Variants in NSUN2 observed in about 807,000 individuals in gnomAD.
The protein encoded by NSUN2 is NOP2/Sun RNA methyltransferase 2.
A neutral mutation model predicts 92.7 loss-of-function variants in NSUN2; 63 were observed. The observed-to-expected ratio is 0.68, with a 90% CI of 0.56 to 0.84. NSUN2 has a LOEUF of 0.84. Among genes scored for constraint, NSUN2 ranks in the 40% least tolerant of loss-of-function variants. The pLI is 0.00. For missense variants in NSUN2, 989 were observed against 964.9 expected (o/e 1.02, Z -0.33); for synonymous variants, 356 against 348.3 (o/e 1.02, Z -0.25).
At chr5:6,613,547 CT>C (rs1737085575) in intron 9 of NSUN2, among the ~76,000 whole-genome samples, 2 of 152,218 alleles carry the variant, frequency 1.3e-5, no homozygotes, top group African/African-American at 4.8e-5. Context: ...CCTGAGCATA[CT>C]GTCTCCTTTC....
chr5:6,605,357 C>G lies in NSUN2; in HGVS notation c.1653G>C (p.Arg551=). ...GCTGCCTTTTCTTCCCTTCTGTAGT[C>G]CGAGTTAACAAATTCATCCTTGGGA... ...PSFPRMNLLT[R]TTEGKKRQLY... is the part of the protein sequence containing the mutation. Residue 551 remains arginine, a synonymous_variant, in exon 15 of 19, where the codon CGG becomes CGC. Coordinates refer to ENST00000264670, the MANE Select transcript of NSUN2 (RefSeq NM_017755.6). 1 of 1,614,172 alleles carries G rather than the reference C, an allele frequency of 6.2e-7. No individual in the cohort carries two copies. Among genetic ancestry groups the G allele is most frequent in the South Asian group, 1.1e-5 (1 of 91,082 alleles).
At chr5:6,602,378 C>G in intron 18 of NSUN2, 83 bp downstream of exon 18, 1 of 1,409,878 alleles carries the variant, frequency 7.1e-7, no homozygotes, top group South Asian at 1.2e-5. Context: ...TCCCACCTTC[C>G]CAAGTCACTT....
chr5:6,608,445 T>C (rs1367192825), intron 12 of NSUN2, among the ~76,000 whole-genome samples: 1 of 152,238 alleles, frequency 6.6e-6, no homozygotes, highest in Non-Finnish European at 1.5e-5. Flanking sequence ...CCATGGAGAC[T>C]CTACCTGCGT....
In NSUN2 at chr5:6,604,270, A is replaced by G; in HGVS notation, c.1825T>C (p.Tyr609His). The G allele has an allele frequency of 6.3e-7, 1 of 1,590,850 alleles. No homozygotes were observed. Among genetic ancestry groups the G allele is most frequent in the Non-Finnish European group, 8.6e-7 (1 of 1,160,980 alleles). The change falls in exon 17 of 19, where the codon TAT becomes CAT. Residue 609 changes from tyrosine (Y) to histidine (H), a missense_variant. Transcript: ENST00000264670. Reference protein sequence around the residue: ...CAFRLAQEGIYTLYPFINSRI... With the variant: ...CAFRLAQEGIHTLYPFINSRI... ...GAGTTAATAAATGGATACAATGTAT[A>G]TATTCCCTGTGTGAATAAAGAGAAT... is the stretch of plus-strand genomic sequence containing the variant.
At chr5:6,603,500 G>A (rs962274983) in intron 17 of NSUN2, among the ~76,000 whole-genome samples, 1 of 152,160 alleles carries the variant, frequency 6.6e-6, no homozygotes, top group Non-Finnish European at 1.5e-5. Flanking sequence ...GACCATCCTG[G>A]CTAACACGGT....
chr5:6,625,737 C>G (rs1737629641), intron 3 of NSUN2, 68 bp from the exon 4 acceptor site: 1 of 1,123,842 alleles, frequency 8.9e-7, no homozygotes, highest in South Asian at 1.3e-5. Flanking sequence ...CAACTTTGTG[C>G]TTCTATCAGT....
At chr5:6,613,250 G>A (rs1737075162) in intron 9 of NSUN2, among the ~76,000 whole-genome samples, 1 of 152,214 alleles carries the variant, frequency 6.6e-6, no homozygotes, top group African/African-American at 2.4e-5. Flanking sequence ...AAAAAGCAGG[G>A]TATTTAAGAT....
chr5:6,600,243 A>C lies in NSUN2; in HGVS notation c.1998-11T>G, dbSNP rs780344391. The C allele has an allele frequency of 6.2e-6, 10 of 1,608,840 alleles. No individual in the cohort carries two copies. Among genetic ancestry groups the C allele is most frequent in the South Asian group, 2.2e-5 (2 of 90,770 alleles). On this transcript the variant is annotated splice_polypyrimidine_tract_variant and intron_variant, in intron 18 of 18. Transcript: ENST00000264670. ...AGAGCGTCTGGATTCCTACAAGTGA[A>C]AGTGGCTTCATGTAGAACATTAAAC...
chr5:6,633,027 C>A lies in NSUN2; in HGVS notation c.-48G>T, dbSNP rs11743026. On this transcript the variant is annotated 5_prime_UTR_variant, in exon 1 of 19. Transcript: ENST00000264670. ...GCACGCAGAAACCGGCCCGCCACGG[C>A]CAGAACTCTAGCCCTACACCTCCCG... 589 of 1,405,914 alleles carry A rather than the reference C, an allele frequency of 4.2e-4. 11 individuals carry two copies. In the South Asian group the frequency reaches 8.4e-3, roughly 20 times the overall value. 87.1% of individuals were successfully genotyped at this position (1,405,914 alleles called of 1,614,324 possible).
chr5:6,606,575 G>A (rs774652511), intron 14 of NSUN2, among the ~76,000 whole-genome samples: 22 of 151,970 alleles, frequency 1.4e-4, no homozygotes, highest in African/African-American at 4.3e-4. Context: ...GTGAGCCACC[G>A]CGCCCGGTCC....
Position 6,632,654 on chromosome 5 carries a change from T to C in NSUN2, c.199A>G (p.Met67Val). The change falls in exon 2 of 19, where the codon ATG (methionine) becomes GTG (valine). Residue 67 changes from methionine (M) to valine (V), a missense_variant. By Grantham distance (21) the Met-to-Val change is conservative (BLOSUM62 1). Transcript: ENST00000264670. ...IVPEGEWGQF[M>V]DALREPLPAT... Reference sequence around the variant, plus strand: ...GGGAGCGGCTCCCTGAGAGCGTCCATGAACTGGCCCCACTCGCCCTCGGGC... The same window carrying C: ...GGGAGCGGCTCCCTGAGAGCGTCCACGAACTGGCCCCACTCGCCCTCGGGC... 1 of 1,614,164 alleles carries C rather than the reference T, an allele frequency of 6.2e-7. No homozygotes were observed.
At chr5:6,627,299 T>C (rs72724261) in intron 3 of NSUN2, among the ~76,000 whole-genome samples, 6,848 of 152,314 alleles carry the variant, frequency 0.045, 236 homozygotes, top group Admixed American at 0.094. Context: ...ATATCTGCTG[T>C]GCCACTGTAA....
chr5:6,610,406 C>T (rs1281039872), intron 11 of NSUN2, among the ~76,000 whole-genome samples: 2 of 149,862 alleles, frequency 1.3e-5, no homozygotes, highest in Non-Finnish European at 3.0e-5. Context: ...AAGTTCATGA[C>T]GGCTGGGCAC....
chr5:6,610,204 C>CAG (rs1411782813), intron 11 of NSUN2, among the ~76,000 whole-genome samples: 2 of 152,006 alleles, frequency 1.3e-5, no homozygotes, highest in Non-Finnish European at 2.9e-5. Flanking sequence ...GCTGGGACTA[C>CAG]AGGCATGCAA....
chr5:6,624,233 T>C (rs1261516176), intron 4 of NSUN2, among the ~76,000 whole-genome samples: 1 of 152,224 alleles, frequency 6.6e-6, no homozygotes, highest in Non-Finnish European at 1.5e-5. Context: ...CTGCCTTCTG[T>C]ATCCATCCAA....
Position 6,623,258 on chromosome 5 carries a change from T to C in NSUN2, c.493A>G (p.Ser165Gly), listed in dbSNP as rs774706791. ...SGNISRQEAV[S>G]MIPPLLLNVR... Reference sequence around the variant, plus strand: ...TTGAGGAGCAGTGGTGGGATCATGCTAACAGCTTCTTGACGACTAATATTT... The same window carrying C: ...TTGAGGAGCAGTGGTGGGATCATGCCAACAGCTTCTTGACGACTAATATTT... The change falls in exon 5 of 19, where the codon AGC (serine) becomes GGC (glycine). Residue 165 changes from serine to glycine, a missense_variant. This residue lies in a region of NSUN2 where 356 missense variants were observed against 338.6 expected (regional missense o/e 1.05). Transcript: ENST00000264670. 2.5e-6 allele frequency: 4 copies of C among 1,594,042 alleles called. No homozygotes were observed. Among genetic ancestry groups the C allele is most frequent in the Non-Finnish European group, 3.4e-6 (4 of 1,175,138 alleles).
intron 18 of NSUN2, among the ~76,000 whole-genome samples, chr5:6,601,174 AAC>A (rs1760844750): frequency 1.4e-5 from 2 of 141,446 alleles, no homozygotes; most frequent in Admixed American, 1.4e-4. Context: ...AAAAAAAAAA[AAC>A]CATTATTCCT....
rs573508467 is a variant in NSUN2 at position 6,632,265 on chromosome 5, C to T, written c.255-288G>A. 1.4e-4 allele frequency among the ~76,000 whole-genome samples: 21 copies of T among 151,974 alleles called. 1 individual carries two copies. The highest frequency in any genetic ancestry group is 1.2e-3 in the East Asian group (6 of 5,168). ...TGTAACTACAAAGATGGAGGGGGGG[C>T]GCGGAGGAGGGGAGAACCAAGGGGT... On this transcript the variant is annotated intron_variant, in intron 2 of 18. Transcript: ENST00000264670.
chr5:6,610,734 T>A (rs1358866579), intron 11 of NSUN2, among the ~76,000 whole-genome samples: 2 of 151,240 alleles, frequency 1.3e-5, no homozygotes, highest in African/African-American at 4.9e-5. Context: ...ACCATTTAGA[T>A]TCTAGCCAAT....
Sources: allele counts gnomAD v4.1 joint callset (sites outside exome capture counted in the v4.1 genomes callset), GRCh38; gene constraint gnomAD v4.1.1; regional missense constraint gnomAD v4.1.1; transcripts MANE v1.5; gene names NCBI Gene and HGNC (gene_info 2026-07-23, HGNC 2026-07-21).